The following LYRM4 variants were observed in gnomAD, a reference collection of about 807,000 sequenced individuals.
LYRM4 encodes LYR motif-containing protein 4.
LYRM4 carries 9 observed loss-of-function variants against 11.7 expected under a neutral mutation model. The ratio of observed to expected loss-of-function variants is 0.77; its 90% CI spans 0.46 to 1.34. The LOEUF is 1.34. Among genes scored for constraint, LYRM4 ranks in the 40% most tolerant of loss-of-function variants. The pLI is 0.00. For missense variants in LYRM4, 133 were observed against 112.5 expected, an observed-to-expected ratio of 1.18 and a Z score of -0.82; for synonymous variants, 42 against 40.4, an observed-to-expected ratio of 1.04 and a Z score of -0.15.
intron 2 of LYRM4, among the ~76,000 whole-genome samples, chr6:5,138,520 C>CAAAAAAAAA (rs1757232326): frequency 9.8e-6 from 1 of 101,778 alleles, no homozygotes. Flanking sequence ...AAAAAAAAAT[C>CAAAAAAAAA]GATAGTTTTT....
chr6:5,059,719 G>A, the LYRM4 span, among the ~76,000 whole-genome samples: 1 of 151,770 alleles, frequency 6.6e-6, no homozygotes. Flanking sequence ...AAAAAGAAGG[G>A]TATTTAACCA....
At chr6:5,112,433 A>G (rs1233003025) in intron 2 of LYRM4, among the ~76,000 whole-genome samples, 6 of 152,200 alleles carry the variant, frequency 3.9e-5, no homozygotes, top group Non-Finnish European at 8.8e-5. Context: ...GCGAAGACAG[A>G]CAGGCAGGCA....
At chr6:5,158,735 A>G (rs1220229494) in intron 2 of LYRM4, among the ~76,000 whole-genome samples, 2 of 152,026 alleles carry the variant, frequency 1.3e-5, no homozygotes, top group African/African-American at 2.4e-5. Context: ...GGCCTCCCAA[A>G]GTGTTGGGAT....
At chr6:5,144,805 G>A (rs1391659313) in intron 2 of LYRM4, among the ~76,000 whole-genome samples, 1 of 152,124 alleles carries the variant, frequency 6.6e-6, no homozygotes, top group African/African-American at 2.4e-5. Context: ...CGGGCTGCCC[G>A]GCCTTCCCTG....
intron 1 of LYRM4, among the ~76,000 whole-genome samples, chr6:5,228,557 C>T (rs1305038267): frequency 6.6e-6 from 1 of 152,030 alleles, no homozygotes; most frequent in Non-Finnish European, 1.5e-5. Flanking sequence ...GGATTATAGG[C>T]TTGAGCCACC....
the LYRM4 span, among the ~76,000 whole-genome samples, chr6:5,049,672 A>ATT: frequency 0.039 from 5,632 of 143,440 alleles, 341 homozygotes; most frequent in African/African-American, 0.13. Flanking sequence ...GGGCAGTGTC[A>ATT]TTTTTTTTTT....
the LYRM4 span, chr6:5,087,992 G>A: frequency 6.6e-6 from 1 of 152,250 alleles, no homozygotes; most frequent in Non-Finnish European, 1.5e-5. Context: ...AACAGGGCTG[G>A]GCATACGTAC....
chr6:5,168,956 T>C (rs945633070), intron 2 of LYRM4, among the ~76,000 whole-genome samples: 1 of 152,104 alleles, frequency 6.6e-6, no homozygotes, highest in Non-Finnish European at 1.5e-5. Context: ...ACCTGGCAAA[T>C]GTGGCAAACA....
At chr6:5,179,225 T>C (rs1759929437) in intron 2 of LYRM4, among the ~76,000 whole-genome samples, 1 of 152,206 alleles carries the variant, frequency 6.6e-6, no homozygotes, top group Non-Finnish European at 1.5e-5. Context: ...GACCTATTCA[T>C]GTATTTTTTA....
At chr6:5,182,278 T>G (rs1233945698) in intron 2 of LYRM4, among the ~76,000 whole-genome samples, 1 of 152,242 alleles carries the variant, frequency 6.6e-6, no homozygotes, top group Non-Finnish European at 1.5e-5. Flanking sequence ...ATGTCAATAT[T>G]TTGAAATAGG....
chr6:5,142,886 C>A (rs940984549), intron 2 of LYRM4, among the ~76,000 whole-genome samples: 1 of 152,242 alleles, frequency 6.6e-6, no homozygotes, highest in Non-Finnish European at 1.5e-5. Context: ...CCATCCCCAG[C>A]CATGGACCCT....
chr6:5,086,582 G>A, the LYRM4 span: 2 of 1,479,328 alleles, frequency 1.4e-6, no homozygotes, highest in Admixed American at 2.2e-5. Context: ...GTTTCGAAGA[G>A]CCGTGGGGCG....
At chr6:5,060,365 T>C in the LYRM4 span, among the ~76,000 whole-genome samples, 4 of 152,246 alleles carry the variant, frequency 2.6e-5, no homozygotes, top group African/African-American at 9.6e-5. Context: ...TTTAAGCAGG[T>C]ACATTACTGT....
At chr6:5,223,344 T>C (rs1260782397) in intron 1 of LYRM4, among the ~76,000 whole-genome samples, 1 of 152,218 alleles carries the variant, frequency 6.6e-6, no homozygotes, top group African/African-American at 2.4e-5. Flanking sequence ...TTGATACATA[T>C]TGATCTCATT....
At chr6:5,238,074 T>C (rs17139873) in intron 1 of LYRM4, among the ~76,000 whole-genome samples, 14,979 of 152,010 alleles carry the variant, frequency 0.099, 975 homozygotes, top group African/African-American at 0.18. Context: ...AACCACCCTT[T>C]TGCTTGGAAA....
rs1763739331 is a variant in LYRM4 at position 5,127,282 on chromosome 6, A to C, written c.208-17791T>G. ...GTACTTTTTGTTGAGACAGGGTTTC[A>C]TCATGTTACCCAGGATGGTCTTGAA... On this transcript the variant is annotated intron_variant, in intron 2 of 2. Transcript: ENST00000330636. Among the ~76,000 whole-genome samples, 4 of 152,008 alleles carry C rather than the reference A, an allele frequency of 2.6e-5. No homozygotes were observed. In the South Asian group the frequency reaches 8.3e-4, roughly 32 times the overall value.
the LYRM4 span, among the ~76,000 whole-genome samples, chr6:5,071,325 C>T: frequency 6.2e-3 from 936 of 152,184 alleles, 5 homozygotes; most frequent in Middle Eastern, 0.017. Flanking sequence ...AAGTCATATA[C>T]AATGATATCT....
intron 2 of LYRM4, among the ~76,000 whole-genome samples, chr6:5,164,487 G>GCA (rs1758953232): frequency 2.0e-5 from 3 of 152,110 alleles, no homozygotes; most frequent in Admixed American, 2.0e-4. Context: ...TATAAAGACA[G>GCA]CACCACTGTA....
chr6:5,234,339 C>T (rs968707970), intron 1 of LYRM4, among the ~76,000 whole-genome samples: 18 of 152,220 alleles, frequency 1.2e-4, no homozygotes, highest in East Asian at 7.7e-4. Context: ...GTGGCCTTCA[C>T]GGGGCAGCTC....
Sources: gnomAD v4.1 joint callset for allele counts (sites outside exome capture counted in the v4.1 genomes callset) on GRCh38, gnomAD v4.1.1 for gene constraint, MANE v1.5 for transcripts, NCBI Gene and HGNC (gene_info 2026-07-23, HGNC 2026-07-21) for gene names.